The following FSTL5 variants were observed in gnomAD, a reference collection of about 807,000 sequenced individuals.
FSTL5 encodes follistatin-related protein 5.
A neutral mutation model predicts 89.1 loss-of-function variants in FSTL5; 62 were observed. The observed-to-expected ratio is 0.70, with a 90% CI of 0.57 to 0.86. The LOEUF (loss-of-function observed/expected upper bound fraction) is 0.86. FSTL5 is among the 40% of genes least tolerant of loss of function. FSTL5 has a pLI of 0.00. For missense variants in FSTL5, 1,057 were observed against 1,001.6 expected (o/e 1.06, Z -0.75); for synonymous variants, 383 against 346.2 (o/e 1.11, Z -1.18).
At chr4:161,672,405 G>A (rs1267829352) in intron 6 of FSTL5, among the ~76,000 whole-genome samples, 1 of 152,108 alleles carries the variant, frequency 6.6e-6, no homozygotes, top group African/African-American at 2.4e-5. Flanking sequence ...CTGTGTGAGA[G>A]CACAGGAGCC....
chr4:161,886,520 G>C (rs916292690), intron 4 of FSTL5, among the ~76,000 whole-genome samples: 5 of 152,110 alleles, frequency 3.3e-5, no homozygotes, highest in Non-Finnish European at 7.4e-5. Context: ...AAATGTACTT[G>C]ATTTCAATAA....
At chr4:162,121,349 C>T (rs976953265) in intron 1 of FSTL5, among the ~76,000 whole-genome samples, 1 of 151,920 alleles carries the variant, frequency 6.6e-6, no homozygotes, top group African/African-American at 2.4e-5. Flanking sequence ...AAAAGCAATA[C>T]AACATATAGT....
intron 7 of FSTL5, among the ~76,000 whole-genome samples, chr4:161,606,722 C>G (rs1734458805): frequency 6.6e-6 from 1 of 151,936 alleles, no homozygotes; most frequent in Non-Finnish European, 1.5e-5. Context: ...GAATTAAGAA[C>G]CAAAAACCTA....
chr4:161,980,075 A>C, intron 3 of FSTL5, among the ~76,000 whole-genome samples: 1 of 142,476 alleles, frequency 7.0e-6, no homozygotes, highest in South Asian at 2.2e-4. Context: ...GAAAGAGAGA[A>C]AGAAAGAAAG....
chr4:162,096,250 A>G (rs1032710226), intron 2 of FSTL5, among the ~76,000 whole-genome samples: 2 of 151,944 alleles, frequency 1.3e-5, no homozygotes, highest in Non-Finnish European at 2.9e-5. Flanking sequence ...TCATGGAACT[A>G]GCTAAAAACC....
intron 2 of FSTL5, among the ~76,000 whole-genome samples, chr4:162,064,151 T>C (rs1329480364): frequency 6.6e-6 from 1 of 152,018 alleles, no homozygotes; most frequent in Non-Finnish European, 1.5e-5. Context: ...CTACTATGCT[T>C]GTATGCATTT....
At chr4:162,149,381 A>T (rs187263469) in intron 1 of FSTL5, among the ~76,000 whole-genome samples, 1 of 152,140 alleles carries the variant, frequency 6.6e-6, no homozygotes, top group Admixed American at 6.5e-5. Flanking sequence ...AATATTTTTT[A>T]AAAAATTTAG....
At chr4:161,640,050 G>A (rs1050901080) in intron 7 of FSTL5, among the ~76,000 whole-genome samples, 25 of 152,160 alleles carry the variant, frequency 1.6e-4, no homozygotes, top group Admixed American at 9.8e-4. Context: ...ACTAGAAAGT[G>A]TCTGGATGTG....
chr4:161,551,725 A>C (rs1327183372), intron 8 of FSTL5, among the ~76,000 whole-genome samples: 1 of 152,038 alleles, frequency 6.6e-6, no homozygotes, highest in African/African-American at 2.4e-5. Flanking sequence ...GAGAAAAACA[A>C]GAAATGGGGA....
intron 15 of FSTL5, among the ~76,000 whole-genome samples, chr4:161,394,421 G>T (rs1730931272): frequency 6.6e-6 from 1 of 152,052 alleles, no homozygotes; most frequent in Admixed American, 6.6e-5. Flanking sequence ...GATCACAGAG[G>T]CGTGCCACCG....
intron 8 of FSTL5, among the ~76,000 whole-genome samples, chr4:161,578,721 A>AGTC (rs1733323284): frequency 6.6e-6 from 1 of 152,124 alleles, no homozygotes; most frequent in Admixed American, 6.6e-5. Flanking sequence ...TCTTAAAAGC[A>AGTC]GTCAGATAAA....
chr4:161,865,104 G>A (rs1485670321), intron 4 of FSTL5, among the ~76,000 whole-genome samples: 2 of 151,978 alleles, frequency 1.3e-5, no homozygotes, highest in East Asian at 1.9e-4. Flanking sequence ...AGCACAACAT[G>A]AAAACAGGGC....
At chr4:161,508,007 A>G (rs924281557) in intron 11 of FSTL5, among the ~76,000 whole-genome samples, 1 of 152,022 alleles carries the variant, frequency 6.6e-6, no homozygotes, top group Admixed American at 6.6e-5. Flanking sequence ...AAACACTGCT[A>G]GAATGAAAAT....
chr4:161,496,078 G>A (rs1730059679), intron 12 of FSTL5, among the ~76,000 whole-genome samples: 1 of 152,092 alleles, frequency 6.6e-6, no homozygotes, highest in South Asian at 2.1e-4. Flanking sequence ...GCAAATTAAG[G>A]AGAAATACTA....
At chr4:162,094,032 C>A (rs1465604945) in intron 2 of FSTL5, among the ~76,000 whole-genome samples, 1 of 152,048 alleles carries the variant, frequency 6.6e-6, no homozygotes, top group Non-Finnish European at 1.5e-5. Context: ...TATTAAGAAC[C>A]ATTTTGATAT....
At chr4:161,606,007 T>C (rs1734425760) in intron 7 of FSTL5, among the ~76,000 whole-genome samples, 1 of 152,118 alleles carries the variant, frequency 6.6e-6, no homozygotes, top group Admixed American at 6.5e-5. Flanking sequence ...TCTTGGATGA[T>C]TGCCATCAAC....
intron 7 of FSTL5, among the ~76,000 whole-genome samples, chr4:161,614,992 T>G (rs1032409979): frequency 6.6e-6 from 1 of 151,846 alleles, no homozygotes; most frequent in African/African-American, 2.4e-5. Context: ...AGGCAGAACA[T>G]GTAAAGAAAT....
At chr4:162,025,341 A>T (rs2111169964) in intron 3 of FSTL5, among the ~76,000 whole-genome samples, 1 of 152,314 alleles carries the variant, frequency 6.6e-6, no homozygotes, top group Non-Finnish European at 1.5e-5. Context: ...GGATGTACTT[A>T]AAACATGATT....
At chr4:161,599,287 T>G (rs1349407789) in intron 7 of FSTL5, among the ~76,000 whole-genome samples, 2 of 152,106 alleles carry the variant, frequency 1.3e-5, no homozygotes, top group African/African-American at 2.4e-5. Context: ...AAAACTAAAA[T>G]GCCTAATCCC....
Sources: gnomAD v4.1 joint callset for allele counts (sites outside exome capture counted in the v4.1 genomes callset) on GRCh38, gnomAD v4.1.1 for gene constraint, MANE v1.5 for transcripts, NCBI Gene and HGNC (gene_info 2026-07-23, HGNC 2026-07-21) for gene names.